The following ANKRD36C variants were observed in gnomAD, a reference collection of about 807,000 sequenced individuals.
ANKRD36C encodes ankyrin repeat domain-containing protein 36C.
ANKRD36C carries 61 observed loss-of-function variants against 276.4 expected under a neutral mutation model. That is an observed-to-expected ratio of 0.22 (90% CI 0.18 to 0.27). ANKRD36C has a LOEUF of 0.27. ANKRD36C is among the 10% of genes least tolerant of loss of function. The pLI is 1.00. For synonymous variants in ANKRD36C, 483 were observed against 680.1 expected (o/e 0.71, Z 4.51); for missense variants, 1,447 against 2,032.3 (o/e 0.71, Z 5.54).
At chr2:95,922,276 C>A (rs897141916) in intron 32 of ANKRD36C, among the ~76,000 whole-genome samples, 3 of 151,618 alleles carry the variant, frequency 2.0e-5, no homozygotes, top group Non-Finnish European at 4.4e-5. Flanking sequence ...TTTACAGTGA[C>A]ACTTCAGTTG....
At position 95,931,309 on chromosome 2, in the gene ANKRD36C, C is replaced by T. The variant is rs541563157; in HGVS notation, c.1736-2042G>A. 3.0e-4 allele frequency among the ~76,000 whole-genome samples: 46 copies of T among 151,010 alleles called. No individual in the cohort carries two copies. In the South Asian group the frequency reaches 8.6e-3, roughly 28 times the overall value. On this transcript the variant is annotated intron_variant, in intron 24 of 66. Coordinates refer to ENST00000456556, the Ensembl canonical transcript of ANKRD36C. ...TTTCACAGCTGTTCTTCACTCACAT[C>T]GGTTTGAGTATCTATCATCTCTCAT...
chr2:95,854,663 A>G (rs1373033423), intron 63 of ANKRD36C, among the ~76,000 whole-genome samples: 2 of 152,232 alleles, frequency 1.3e-5, no homozygotes, highest in African/African-American at 4.8e-5. Context: ...CATTTTCCCC[A>G]TATTATAATA....
chr2:95,893,409 A>G, intron 44 of ANKRD36C, 124 bp downstream of exon 64: 2 of 1,367,084 alleles, frequency 1.5e-6, no homozygotes, highest in Non-Finnish European at 2.0e-6. Context: ...ACTACAAATG[A>G]AGAATCTCCG....
At position 95,897,331 on chromosome 2, in the gene ANKRD36C, A is replaced by C; in HGVS notation, c.2755+1814T>G. 3.2e-6 allele frequency: 5 copies of C among 1,550,076 alleles called. 1 individual carries two copies. Among genetic ancestry groups the C allele is most frequent in the Non-Finnish European group, 4.4e-6 (5 of 1,142,544 alleles). Reference sequence around the variant, plus strand: ...CTATATTCAAAAGAGAATCTTTCTCATCTCTTGTAGCCTGAATGGAATTTG... The same window carrying C: ...CTATATTCAAAAGAGAATCTTTCTCCTCTCTTGTAGCCTGAATGGAATTTG... On this transcript the variant is annotated intron_variant, in intron 44 of 66. Transcript: ENST00000456556.
intron 8 of ANKRD36C, among the ~76,000 whole-genome samples, chr2:95,961,148 G>A (rs1477953278): frequency 2.0e-5 from 3 of 152,174 alleles, no homozygotes; most frequent in African/African-American, 2.4e-5. Context: ...TGGCACTTTA[G>A]TTGAATGTAC....
chr2:95,990,106 A>C (rs1203418540), intron 1 of ANKRD36C, among the ~76,000 whole-genome samples: 3 of 152,220 alleles, frequency 2.0e-5, no homozygotes, highest in Admixed American at 6.5e-5. Flanking sequence ...TATAAACATG[A>C]ATCAATATAA....
intron 6 of ANKRD36C, among the ~76,000 whole-genome samples, chr2:95,970,880 G>A (rs1678683574): frequency 6.6e-6 from 1 of 152,058 alleles, no homozygotes; most frequent in Non-Finnish European, 1.5e-5. Flanking sequence ...CACAGAGAAG[G>A]ATGAACCAGT....
At chr2:95,971,746 G>C (rs1047157241) in intron 6 of ANKRD36C, among the ~76,000 whole-genome samples, 1 of 151,462 alleles carries the variant, frequency 6.6e-6, no homozygotes, top group Non-Finnish European at 1.5e-5. Flanking sequence ...AAACAAAACT[G>C]AACCATCTAT....
At chr2:95,914,428 T>C (rs1437545241) in intron 38 of ANKRD36C, 125 bp from the exon 41 acceptor site, 15 of 1,259,058 alleles carry the variant, frequency 1.2e-5, no homozygotes, top group Admixed American at 1.0e-4. Flanking sequence ...TGATGGCTTC[T>C]ACTTTGTGTC....
intron 12 of ANKRD36C, among the ~76,000 whole-genome samples, chr2:95,958,109 T>G (rs1678373267): frequency 6.6e-6 from 1 of 152,238 alleles, no homozygotes. Flanking sequence ...TTCTTTTCCC[T>G]TCTTCCTGCC....
At chr2:95,875,779 G>C (rs2104308764) in intron 59 of ANKRD36C, among the ~76,000 whole-genome samples, 1 of 151,954 alleles carries the variant, frequency 6.6e-6, no homozygotes, top group Admixed American at 6.5e-5. Flanking sequence ...TAGATTATAG[G>C]CTTAAGTTCT....
At chr2:95,857,925 G>C (rs79633321) in intron 61 of ANKRD36C, among the ~76,000 whole-genome samples, 1 of 151,318 alleles carries the variant, frequency 6.6e-6, no homozygotes, top group African/African-American at 2.4e-5. Context: ...CCTCTGCACA[G>C]TAAAACTTGG....
intron 40 of ANKRD36C, 64 bp from the exon 43 acceptor site, chr2:95,912,499 G>A (rs58719199): frequency 0.31 from 494,860 of 1,584,738 alleles, 82,705 homozygotes; most frequent in East Asian, 0.45. Flanking sequence ...CCATACATTC[G>A]CACAGTGTTA....
chr2:95,919,188 T>A (rs1348712221), intron 34 of ANKRD36C, among the ~76,000 whole-genome samples: 1 of 134,282 alleles, frequency 7.4e-6, no homozygotes, highest in African/African-American at 2.5e-5. Flanking sequence ...TGAAGTGAGT[T>A]CACTCAGATT....
At chr2:95,919,644 C>G in intron 34 of ANKRD36C, 89 bp downstream of exon 36, 1 of 594,492 alleles carries the variant, frequency 1.7e-6, no homozygotes, top group Non-Finnish European at 2.1e-6. Flanking sequence ...CGGCGACTCC[C>G]CCCACCCACC....
At chr2:95,946,361 C>T (rs1472016727) in intron 17 of ANKRD36C, among the ~76,000 whole-genome samples, 1 of 144,790 alleles carries the variant, frequency 6.9e-6, no homozygotes, top group Admixed American at 7.0e-5. Context: ...CAATGAGATA[C>T]CATCTCACAC....
chr2:95,916,193 T>A (rs780084334), intron 36 of ANKRD36C, 22 bp from the exon 39 acceptor site: 1 of 1,603,432 alleles, frequency 6.2e-7, no homozygotes, highest in East Asian at 2.2e-5. Context: ...AAGGGACACG[T>A]AATCACTCAC....
intron 54 of ANKRD36C, among the ~76,000 whole-genome samples, chr2:95,883,071 T>C (rs1230497462): frequency 6.6e-6 from 1 of 152,150 alleles, no homozygotes; most frequent in African/African-American, 2.4e-5. Flanking sequence ...ATATTCTTCA[T>C]TTCTCAAACC....
chr2:95,947,008 G>A (rs1287033054), intron 17 of ANKRD36C, among the ~76,000 whole-genome samples: 2 of 151,676 alleles, frequency 1.3e-5, no homozygotes, highest in Non-Finnish European at 2.9e-5. Context: ...ATGTGCACAT[G>A]TACCCTAAAA....
Sources: gnomAD v4.1 joint callset for allele counts (sites outside exome capture counted in the v4.1 genomes callset) on GRCh38, gnomAD v4.1.1 for gene constraint, MANE v1.5 for transcripts, NCBI Gene and HGNC (gene_info 2026-07-23, HGNC 2026-07-21) for gene names.